SMYD3: variants seen among roughly 807,000 people sequenced by gnomAD.
The protein encoded by SMYD3 is histone-lysine N-methyltransferase SMYD3.
SMYD3 carries 36 observed loss-of-function variants against 57.7 expected under a neutral mutation model. The observed-to-expected ratio is 0.62, with a 90% CI of 0.48 to 0.82. The LOEUF is 0.82. Ranked by LOEUF, SMYD3 falls within the 40% of genes least tolerant of loss-of-function variation. The pLI, the probability that SMYD3 is intolerant of heterozygous loss-of-function variation, is 0.00. For missense variants in SMYD3, 515 were observed against 538.8 expected, an observed-to-expected ratio of 0.96 and a Z score of 0.44; for synonymous variants, 211 against 195.0, an observed-to-expected ratio of 1.08 and a Z score of -0.68.
At chr1:245,757,561 G>T (rs2791372) in intron 11 of SMYD3, among the ~76,000 whole-genome samples, 42,110 of 151,792 alleles carry the variant, frequency 0.28, 6,215 homozygotes, top group East Asian at 0.46. Context: ...AGAAGCTTTT[G>T]CTCATATGTT....
intron 10 of SMYD3, among the ~76,000 whole-genome samples, chr1:245,852,193 G>A (rs1381519102): frequency 2.0e-5 from 3 of 152,224 alleles, no homozygotes; most frequent in South Asian, 2.1e-4. Context: ...GAAGGAGTAG[G>A]CCCAAGGCAC....
intron 10 of SMYD3, among the ~76,000 whole-genome samples, chr1:245,817,731 C>T (rs1253490729): frequency 1.1e-4 from 16 of 151,830 alleles, no homozygotes; most frequent in South Asian, 4.2e-4. Flanking sequence ...AACCAAGGCT[C>T]GAGAACTATG....
intron 1 of SMYD3, among the ~76,000 whole-genome samples, chr1:246,421,213 T>C (rs1286820623): frequency 6.6e-6 from 1 of 152,208 alleles, no homozygotes; most frequent in African/African-American, 2.4e-5. Context: ...TTATGTTTCA[T>C]TGTATTACAC....
rs189464428 is a variant in SMYD3 at position 245,982,975 on chromosome 1, G to T, written c.532-53038C>A. On this transcript the variant is annotated intron_variant, in intron 5 of 11. Coordinates refer to ENST00000490107, the MANE Select transcript of SMYD3 (RefSeq NM_001167740.2). ...AAACCAAACATTTATCAACGCAAAT[G>T]CTCAAGGTACTGAGTGGAAAAAAGG... is the stretch of plus-strand genomic sequence containing the variant. 3.0e-3 allele frequency among the ~76,000 whole-genome samples: 453 copies of T among 152,316 alleles called. 1 individual carries two copies. Among genetic ancestry groups the T allele is most frequent in the African/African-American group, 9.8e-3 (409 of 41,570 alleles).
At chr1:246,375,358 C>A (rs138824123) in intron 1 of SMYD3, among the ~76,000 whole-genome samples, 5,031 of 60,574 alleles carry the variant, frequency 0.083, 374 homozygotes, top group African/African-American at 0.25. Context: ...TTTTTTTTTA[C>A]CAATTTTCAA....
intron 10 of SMYD3, among the ~76,000 whole-genome samples, chr1:245,855,462 G>A (rs975706554): frequency 1.1e-4 from 16 of 152,026 alleles, no homozygotes; most frequent in East Asian, 1.9e-4. Context: ...ACTAATTGGC[G>A]AATTAACATT....
intron 4 of SMYD3, 45 bp from the exon 5 acceptor site, chr1:246,327,382 C>G: frequency 6.4e-7 from 1 of 1,553,850 alleles, no homozygotes; most frequent in Non-Finnish European, 8.8e-7. Flanking sequence ...AAGTAAACTT[C>G]TGAAGGATAA....
At chr1:246,398,931 A>C (rs2066720118) in intron 1 of SMYD3, among the ~76,000 whole-genome samples, 1 of 152,184 alleles carries the variant, frequency 6.6e-6, no homozygotes, top group Admixed American at 6.6e-5. Context: ...GCCCAGCGTA[A>C]TTAGTCATAC....
At chr1:246,055,069 A>G (rs1338549908) in intron 5 of SMYD3, among the ~76,000 whole-genome samples, 2 of 151,858 alleles carry the variant, frequency 1.3e-5, no homozygotes, top group Admixed American at 6.6e-5. Context: ...CCAGCTACTC[A>G]GTAGGCTGAG....
intron 7 of SMYD3, among the ~76,000 whole-genome samples, chr1:245,925,478 G>A (rs982373241): frequency 6.6e-6 from 1 of 152,084 alleles, no homozygotes; most frequent in Admixed American, 6.6e-5. Flanking sequence ...CTGCTCCAAG[G>A]GGTCAGTTTG....
chr1:246,506,688 G>C (rs2068544442), intron 1 of SMYD3, among the ~76,000 whole-genome samples: 1 of 152,138 alleles, frequency 6.6e-6, no homozygotes, highest in Non-Finnish European at 1.5e-5. Context: ...GATTTCCACA[G>C]CCGCACCAAG....
chr1:245,884,619 G>C (rs541151297), intron 8 of SMYD3, among the ~76,000 whole-genome samples: 1 of 152,122 alleles, frequency 6.6e-6, no homozygotes, highest in Non-Finnish European at 1.5e-5. Flanking sequence ...TACTGTACAC[G>C]TGATTGACAA....
At chr1:246,099,633 C>A (rs1173553760) in intron 5 of SMYD3, among the ~76,000 whole-genome samples, 1 of 152,060 alleles carries the variant, frequency 6.6e-6, no homozygotes, top group African/African-American at 2.4e-5. Context: ...ATTCAGGAAG[C>A]TGATGAGATG....
chr1:246,138,879 C>T (rs896902366), intron 5 of SMYD3, among the ~76,000 whole-genome samples: 1 of 152,146 alleles, frequency 6.6e-6, no homozygotes, highest in African/African-American at 2.4e-5. Context: ...TATCTTCTCT[C>T]AGTAACTCAA....
chr1:246,137,171 T>C (rs1027407046), intron 5 of SMYD3, among the ~76,000 whole-genome samples: 1 of 152,208 alleles, frequency 6.6e-6, no homozygotes, highest in African/African-American at 2.4e-5. Flanking sequence ...TTGTTTCTCA[T>C]ATATTTGCAA....
intron 10 of SMYD3, among the ~76,000 whole-genome samples, chr1:245,797,328 C>T (rs2047567800): frequency 5.3e-5 from 8 of 152,094 alleles, no homozygotes; most frequent in Admixed American, 5.2e-4. Context: ...ATATATACAC[C>T]ATGGAATACT....
intron 5 of SMYD3, among the ~76,000 whole-genome samples, chr1:246,117,570 A>T (rs1325395129): frequency 6.6e-6 from 1 of 152,196 alleles, no homozygotes; most frequent in African/African-American, 2.4e-5. Flanking sequence ...CTCAGTAATG[A>T]CAAGGTAAGG....
chr1:246,263,348 C>CA (rs1558359737), intron 5 of SMYD3, among the ~76,000 whole-genome samples: 4 of 126,970 alleles, frequency 3.2e-5, no homozygotes, highest in Non-Finnish European at 6.3e-5. Context: ...ATGTATGTGA[C>CA]CTGGGCACAT....
chr1:246,085,261 C>T (rs2060703459), intron 5 of SMYD3, among the ~76,000 whole-genome samples: 1 of 152,102 alleles, frequency 6.6e-6, no homozygotes, highest in Admixed American at 6.6e-5. Context: ...AGGAATTAAT[C>T]CAGAGGTGGA....
Sources: gnomAD v4.1 joint callset for allele counts (sites outside exome capture counted in the v4.1 genomes callset) on GRCh38, gnomAD v4.1.1 for gene constraint, MANE v1.5 for transcripts, NCBI Gene and HGNC (gene_info 2026-07-23, HGNC 2026-07-21) for gene names.